Variants in TBP observed in about 807,000 individuals in gnomAD.
TBP encodes TATA-box binding protein, also known as TATA-box-binding protein.
Under a neutral mutation model 46.2 loss-of-function variants are expected in TBP, and 12 were observed. That is an observed-to-expected ratio of 0.26 (90% CI 0.17 to 0.42). The LOEUF (loss-of-function observed/expected upper bound fraction) is 0.42, where lower values mean the gene tolerates loss of function less well. Among genes scored for constraint, TBP ranks in the 10% least tolerant of loss-of-function variants. The pLI is 1.00. For synonymous variants in TBP, 157 were observed against 148.3 expected (o/e 1.06, Z -0.42); for missense variants, 229 against 403.1 (o/e 0.57, Z 3.70).
At position 170,557,407 on chromosome 6, in the gene TBP, T is replaced by C. The variant is rs1203242026; in HGVS notation, c.54+324T>C. On this transcript the variant is annotated intron_variant, in intron 2 of 7. Transcript: ENST00000392092. ...ATTTTCTAGTTTTATTTTTCCCCTT[T>C]TACATTTCAAGCTCTCAACCACCCA... Among the ~76,000 whole-genome samples the C allele has an allele frequency of 3.9e-5, 6 of 152,176 alleles. No individual in the cohort carries two copies. The East Asian group carries it at 1.2e-3, about 29-fold the overall frequency.
At chr6:170,569,854 C>T in intron 6 of TBP, 75 bp downstream of exon 6, 1 of 1,380,686 alleles carries the variant, frequency 7.2e-7, no homozygotes, top group South Asian at 1.3e-5. Flanking sequence ...GAATAAAACA[C>T]ATGCAAAATA....
Position 170,561,952 on chromosome 6 carries a change from A to AG in TBP, c.216_217insG (p.Gln73AlafsTer105), listed in dbSNP as rs1562359486. On this transcript the variant is annotated frameshift_variant, in exon 3 of 8. Coordinates refer to ENST00000392092, the MANE Select transcript of TBP (RefSeq NM_003194.5). LOFTEE classifies it high-confidence loss of function. ...AGCAGCAGCAGCAGCAGCAGCAGCAACAGCAACAGCAGCAGCAGCAGCAGC... is the reference window on the plus strand; with the variant it reads ...AGCAGCAGCAGCAGCAGCAGCAGCAAGCAGCAACAGCAGCAGCAGCAGCAGC... 0.012 allele frequency: 2,613 copies of AG among 210,320 alleles called. 28 individuals are homozygous for AG. The highest frequency in any genetic ancestry group is 0.015 in the Middle Eastern group (6 of 412). The allele number at this position is 210,320 out of a possible 1,614,324, so 13.0% of individuals were successfully genotyped here.
intron 5 of TBP, among the ~76,000 whole-genome samples, chr6:170,568,639 G>A (rs1779310272): frequency 1.3e-5 from 2 of 151,586 alleles, no homozygotes; most frequent in South Asian, 4.2e-4. Context: ...ATTTTTAGTA[G>A]AGATGGGGTT....
In TBP at chr6:170,572,812, C is replaced by T. The variant is rs1242857094; in HGVS notation, c.*547C>T. On this transcript the variant is annotated 3_prime_UTR_variant, in exon 8 of 8. Transcript: ENST00000392092. ...AATGAATGGCTGTACATATTTTTTTCTTTCTTCAGAGTACTCTGTACAATA... is the reference window on the plus strand; with the variant it reads ...AATGAATGGCTGTACATATTTTTTTTTTTCTTCAGAGTACTCTGTACAATA... 1 of 152,934 alleles carries T rather than the reference C, an allele frequency of 6.5e-6. No individual in the cohort carries two copies. Among genetic ancestry groups the T allele is most frequent in the African/African-American group, 2.4e-5 (1 of 41,374 alleles). 9.5% of individuals were successfully genotyped at this position (152,934 alleles called of 1,614,324 possible). A position where few individuals can be genotyped will look rare whatever the true frequency, so the allele number is the denominator to read the frequency against.
At chr6:170,562,352 T>C in intron 3 of TBP, 119 bp downstream of exon 3, 1 of 1,175,194 alleles carries the variant, frequency 8.5e-7, no homozygotes, top group Non-Finnish European at 1.2e-6. Flanking sequence ...GGTAATTGTG[T>C]ATCAAAATTT....
chr6:170,566,478 TATTA>T (rs1205718684), intron 4 of TBP, among the ~76,000 whole-genome samples: 1 of 152,266 alleles, frequency 6.6e-6, no homozygotes, highest in African/African-American at 2.4e-5. Flanking sequence ...TAATCTGATT[TATTA>T]ATTCCATTAA....
intron 4 of TBP, among the ~76,000 whole-genome samples, chr6:170,566,113 T>TA (rs1471318941): frequency 6.6e-6 from 1 of 152,096 alleles, no homozygotes; most frequent in African/African-American, 2.4e-5. Context: ...ATAAAATTGT[T>TA]AAAGCAATCT....
chr6:170,570,774 A>G (rs778509733), intron 6 of TBP, among the ~76,000 whole-genome samples: 2 of 152,170 alleles, frequency 1.3e-5, no homozygotes, highest in Non-Finnish European at 2.9e-5. Flanking sequence ...TGGAGGTTGC[A>G]GTGAGCCAAG....
At chr6:170,557,215 G>C (rs1021183144) in intron 2 of TBP, 132 bp downstream of exon 2, 1 of 825,142 alleles carries the variant, frequency 1.2e-6, no homozygotes, top group Non-Finnish European at 1.9e-6. Flanking sequence ...GCCTTATTTT[G>C]TTGAGAAGTT....
chr6:170,556,956 T>C lies in TBP; in HGVS notation c.-74T>C. The stretch of plus-strand genomic sequence containing the variant: ...GCTGAGAAGAGTGTGCTGGAGATGC[T>C]CTAGGAAAAAATTGAATAGTGAGAC... On this transcript the variant is annotated 5_prime_UTR_variant, in exon 2 of 8. Transcript: ENST00000392092. The C allele has an allele frequency of 4.2e-6, 6 of 1,445,300 alleles. No homozygotes were observed. Among genetic ancestry groups the C allele is most frequent in the South Asian group, 2.3e-5 (2 of 86,882 alleles). 89.5% of individuals were successfully genotyped at this position (1,445,300 alleles called of 1,614,324 possible).
intron 2 of TBP, among the ~76,000 whole-genome samples, chr6:170,559,843 G>C (rs542635230): frequency 2.0e-5 from 3 of 152,334 alleles, no homozygotes; most frequent in East Asian, 3.9e-4. Context: ...TGGCTGACTA[G>C]TTAGGGGCTA....
At chr6:170,572,117 T>A in intron 7 of TBP, 69 bp from the exon 8 acceptor site, 1 of 1,260,140 alleles carries the variant, frequency 7.9e-7, no homozygotes, top group Non-Finnish European at 1.2e-6. Context: ...AAGGTAAGAA[T>A]TTTACCATCT....
At chr6:170,555,449 A>G (rs955593141) in intron 1 of TBP, among the ~76,000 whole-genome samples, 2 of 152,172 alleles carry the variant, frequency 1.3e-5, no homozygotes, top group Non-Finnish European at 2.9e-5. Flanking sequence ...GCCCACCAAT[A>G]TGTGCTGTCT....
In TBP at chr6:170,572,466, G is replaced by A. The variant is rs959853579; in HGVS notation, c.*201G>A. 43 of 593,510 alleles carry A rather than the reference G, an allele frequency of 7.2e-5. No individual in the cohort carries two copies. Among genetic ancestry groups the A allele is most frequent in the Non-Finnish European group, 1.1e-4 (36 of 334,698 alleles). 36.8% of individuals were successfully genotyped at this position (593,510 alleles called of 1,614,324 possible). Reference sequence around the variant, plus strand: ...ATTATTTGTGCACTGAGAACACCGCGCAGCGTGACTGTGAGTTGCTCATAC... The same window carrying A: ...ATTATTTGTGCACTGAGAACACCGCACAGCGTGACTGTGAGTTGCTCATAC... On this transcript the variant is annotated 3_prime_UTR_variant, in exon 8 of 8. Coordinates refer to ENST00000392092, the MANE Select transcript of TBP (RefSeq NM_003194.5).
rs1779336983 is a variant in TBP, at chr6:170,569,753, T to C, written c.819T>C (p.Leu273=). The change falls in exon 6 of 8, where the codon CTT becomes CTC. Residue 273 remains leucine, a synonymous_variant. Transcript: ENST00000392092. ...DVKFPIRLEG[L]VLTHQQFSSY... ...AGTTTCCTATAAGGTTAGAAGGCCTTGTGCTCACCCACCAACAATTTAGTA... is the reference window on the plus strand; with the variant it reads ...AGTTTCCTATAAGGTTAGAAGGCCTCGTGCTCACCCACCAACAATTTAGTA... 2 of 1,613,704 alleles carry C rather than the reference T, an allele frequency of 1.2e-6. No individual in the cohort carries two copies. Among genetic ancestry groups the C allele is most frequent in the African/African-American group, 2.7e-5 (2 of 75,026 alleles).
intron 4 of TBP, among the ~76,000 whole-genome samples, chr6:170,565,937 G>A (rs1374106184): frequency 3.9e-5 from 6 of 152,042 alleles, no homozygotes; most frequent in Non-Finnish European, 7.4e-5. Flanking sequence ...ATCTGGGGTT[G>A]GTGGCACACA....
intron 3 of TBP, among the ~76,000 whole-genome samples, chr6:170,563,220 A>G (rs1779181741): frequency 6.6e-6 from 1 of 152,176 alleles, no homozygotes; most frequent in Non-Finnish European, 1.5e-5. Context: ...TCCCAGGAAT[A>G]TTTAAGTTTG....
At chr6:170,568,575 CT>C (rs1562362114) in intron 5 of TBP, among the ~76,000 whole-genome samples, 1 of 151,938 alleles carries the variant, frequency 6.6e-6, no homozygotes, top group Non-Finnish European at 1.5e-5. Flanking sequence ...TTGCCTCAGC[CT>C]CCCGAGTAGC....
intron 7 of TBP, 86 bp from the exon 8 acceptor site, chr6:170,572,100 C>T: frequency 9.5e-7 from 1 of 1,050,390 alleles, no homozygotes. Flanking sequence ...ATTGTGCTTG[C>T]AGCTTTAAGG....
Sources: gnomAD v4.1 joint callset for allele counts (sites outside exome capture counted in the v4.1 genomes callset) on GRCh38, gnomAD v4.1.1 for gene constraint, MANE v1.5 for transcripts, NCBI Gene and HGNC (gene_info 2026-07-23, HGNC 2026-07-21) for gene names.